The following SEMA4D variants were observed in gnomAD, a reference collection of about 807,000 sequenced individuals.
The protein encoded by SEMA4D is semaphorin-4D.
SEMA4D carries 22 observed loss-of-function variants against 74.8 expected under a neutral mutation model. The ratio of observed to expected loss-of-function variants is 0.29; its 90% CI spans 0.21 to 0.42. SEMA4D has a LOEUF of 0.42. Among genes scored for constraint, SEMA4D ranks in the 10% least tolerant of loss-of-function variants. SEMA4D has a pLI of 1.00. For missense variants in SEMA4D, 937 were observed against 1,118.4 expected (o/e 0.84, Z 2.31); for synonymous variants, 445 against 463.7 (o/e 0.96, Z 0.52).
chr9:89,379,748 T>C (rs1836584912), intron 15 of SEMA4D, 119 bp from the exon 16 acceptor site: 1 of 1,218,860 alleles, frequency 8.2e-7, no homozygotes, highest in East Asian at 2.4e-5. Context: ...CATGGAATCT[T>C]CCAGAACAAC....
chr9:89,432,626 A>G (rs1849523356), intron 2 of SEMA4D, among the ~76,000 whole-genome samples: 1 of 152,242 alleles, frequency 6.6e-6, no homozygotes, highest in Admixed American at 6.5e-5. Context: ...TAATACCCAT[A>G]TGAAAATGAG....
At chr9:89,408,275 C>T (rs754286680) in intron 2 of SEMA4D, among the ~76,000 whole-genome samples, 1 of 152,210 alleles carries the variant, frequency 6.6e-6, no homozygotes, top group Non-Finnish European at 1.5e-5. Context: ...CCCACAGAAC[C>T]CACGCCCTGG....
intron 4 of SEMA4D, among the ~76,000 whole-genome samples, chr9:89,399,783 A>G (rs963596320): frequency 6.6e-6 from 1 of 152,120 alleles, no homozygotes; most frequent in Non-Finnish European, 1.5e-5. Context: ...GGATCACCTG[A>G]GGTCAGGAGT....
At chr9:89,471,798 G>A (rs954040166) in intron 1 of SEMA4D, among the ~76,000 whole-genome samples, 1 of 138,510 alleles carries the variant, frequency 7.2e-6, no homozygotes, top group African/African-American at 2.6e-5. Context: ...GCCAGACAGG[G>A]TGCACACTGG....
At chr9:89,474,322 G>A (rs531475114) in intron 1 of SEMA4D, among the ~76,000 whole-genome samples, 1 of 152,224 alleles carries the variant, frequency 6.6e-6, no homozygotes, top group African/African-American at 2.4e-5. Flanking sequence ...CCCTGTGTTT[G>A]TGCTTGAGTT....
chr9:89,372,504 T>C (rs907114223), downstream of SEMA4D, among the ~76,000 whole-genome samples: 1 of 151,846 alleles, frequency 6.6e-6, no homozygotes, highest in African/African-American at 2.4e-5. Context: ...ATGACAAAGC[T>C]TAGACAGCAG....
intron 2 of SEMA4D, among the ~76,000 whole-genome samples, chr9:89,454,874 A>T (rs752184401): frequency 6.6e-6 from 1 of 152,240 alleles, no homozygotes; most frequent in South Asian, 2.1e-4. Flanking sequence ...GACTCTGCCC[A>T]GGCGTGTGCC....
chr9:89,485,788 CAAAAAAAAAA>C (rs56056536), intron 1 of SEMA4D, among the ~76,000 whole-genome samples: 4 of 76,840 alleles, frequency 5.2e-5, no homozygotes, highest in African/African-American at 9.8e-5. Context: ...AACTCCATCT[CAAAAAAAAAA>C]AAAAAAAAAA....
chr9:89,464,798 G>A (rs1021340934), intron 1 of SEMA4D, among the ~76,000 whole-genome samples: 2 of 151,974 alleles, frequency 1.3e-5, no homozygotes, highest in African/African-American at 4.8e-5. Context: ...TCCTGGAGAG[G>A]GCTGGATAAG....
chr9:89,406,024 C>G (rs1057443601), intron 2 of SEMA4D: 160 of 800,242 alleles, frequency 2.0e-4, no homozygotes, highest in Non-Finnish European at 2.3e-4. Context: ...TCCTGTGTGG[C>G]TGCTGTGTCC....
intron 16 of SEMA4D, chr9:89,368,658 C>T (rs1168941530): frequency 6.6e-6 from 1 of 152,364 alleles, no homozygotes; most frequent in African/African-American, 2.4e-5. Flanking sequence ...CAGCTCCCTT[C>T]TCTGAGTCCT....
intron 2 of SEMA4D, among the ~76,000 whole-genome samples, chr9:89,422,571 C>T (rs1238970161): frequency 3.9e-5 from 6 of 152,256 alleles, no homozygotes; most frequent in East Asian, 3.8e-4. Flanking sequence ...GAGCACCATG[C>T]GTGCGCATCC....
chr9:89,382,614 G>A lies in SEMA4D; in HGVS notation c.1447-1268C>T, dbSNP rs1205620464. Among the ~76,000 whole-genome samples the A allele has an allele frequency of 7.2e-5, 11 of 152,382 alleles. No homozygotes were observed. In the South Asian group the frequency reaches 8.3e-4, roughly 11 times the overall value. On this transcript the variant is annotated intron_variant, in intron 13 of 15. Coordinates refer to ENST00000422704, the MANE Select transcript of SEMA4D (RefSeq NM_001371194.2). ...AGCAGCAGCAGAGACCTGGGCAGATGAGGCCATGTGTGAGCCACGTTTGTG... is the reference window on the plus strand; with the variant it reads ...AGCAGCAGCAGAGACCTGGGCAGATAAGGCCATGTGTGAGCCACGTTTGTG...
chr9:89,415,609 G>T (rs562383009), intron 2 of SEMA4D, among the ~76,000 whole-genome samples: 2 of 152,348 alleles, frequency 1.3e-5, no homozygotes, highest in South Asian at 4.1e-4. Flanking sequence ...CCTCAACCAT[G>T]TGAGAAGACG....
intron 6 of SEMA4D, among the ~76,000 whole-genome samples, chr9:89,394,151 C>T (rs1467556994): frequency 6.6e-6 from 1 of 152,186 alleles, no homozygotes; most frequent in Non-Finnish European, 1.5e-5. Flanking sequence ...ATGGATCAAC[C>T]ATCTGAATAC....
Position 89,388,744 on chromosome 9 carries a change from G to C in SEMA4D, c.999C>G (p.Ala333=). Residue 333 remains alanine (A), a synonymous_variant, in exon 11 of 16, where the codon GCC becomes GCG. Coordinates refer to ENST00000422704, the MANE Select transcript of SEMA4D (RefSeq NM_001371194.2). ...ACTTCCCGTGGGAGAAGACCTCCTC[G>C]GCTGTGGACAGGTTGTAGGCGCACA... ...SAVCAYNLST[A]EEVFSHGKYM... 1 of 1,610,958 alleles carries C rather than the reference G, an allele frequency of 6.2e-7. No individual in the cohort carries two copies. The highest frequency in any genetic ancestry group is 8.5e-7 in the Non-Finnish European group (1 of 1,179,052).
chr9:89,428,096 C>T (rs1848482028), intron 2 of SEMA4D, among the ~76,000 whole-genome samples: 1 of 152,192 alleles, frequency 6.6e-6, no homozygotes, highest in Non-Finnish European at 1.5e-5. Flanking sequence ...CACCCAGGCC[C>T]TTCTCACCTG....
At chr9:89,372,441 T>G (rs1835241000), downstream of SEMA4D, among the ~76,000 whole-genome samples, 1 of 151,614 alleles carries the variant, frequency 6.6e-6, no homozygotes, top group African/African-American at 2.4e-5. Context: ...CTGCCCGTCC[T>G]TCACGGCTGG....
chr9:89,468,756 G>C (rs1031353310), intron 1 of SEMA4D, among the ~76,000 whole-genome samples: 1 of 152,102 alleles, frequency 6.6e-6, no homozygotes, highest in Non-Finnish European at 1.5e-5. Flanking sequence ...AGATTCTCCC[G>C]GTGTGTAATG....
Sources: allele counts gnomAD v4.1 joint callset (sites outside exome capture counted in the v4.1 genomes callset), GRCh38; gene constraint gnomAD v4.1.1; transcripts MANE v1.5; gene names NCBI Gene and HGNC (gene_info 2026-07-23, HGNC 2026-07-21).